TUBG1: variants seen among roughly 807,000 people sequenced by gnomAD.
TUBG1 encodes tubulin gamma 1, also known as tubulin gamma-1 chain.
In TUBG1, 22 loss-of-function variants were observed where a neutral mutation model predicts 53.3. The ratio of observed to expected loss-of-function variants is 0.41; its 90% CI spans 0.29 to 0.59. The LOEUF is 0.59. Among genes scored for constraint, TUBG1 ranks in the 20% least tolerant of loss-of-function variants. The pLI is 0.26. For missense variants in TUBG1, 217 were observed against 598.9 expected (o/e 0.36, Z 6.66); for synonymous variants, 198 against 236.7 (o/e 0.84, Z 1.50).
chr17:42,612,074 G>A lies in TUBG1; in HGVS notation c.331-1G>A, dbSNP rs1259806143. 1.2e-6 allele frequency: 2 copies of A among 1,614,074 alleles called. No homozygotes were observed. The highest frequency in any genetic ancestry group is 1.7e-6 in the Non-Finnish European group (2 of 1,179,954). On this transcript the variant is annotated splice_acceptor_variant, in intron 3 of 10. Transcript: ENST00000251413. LOFTEE classifies it high-confidence loss of function. Reference sequence around the variant, plus strand: ...TCTGACCCTCCCCTATGTCTGTACAGGGAGAAAAGATCCATGAGGACATTT... The same window carrying A: ...TCTGACCCTCCCCTATGTCTGTACAAGGAGAAAAGATCCATGAGGACATTT...
At position 42,614,121 on chromosome 17, in the gene TUBG1, C is replaced by T. The variant is rs906871942; in HGVS notation, c.843+123C>T. ...TTTGTGGACCCCAAGGCGCGGCGCT[C>T]AGGGACTGGCACAGAGTGGGCGACT... On this transcript the variant is annotated intron_variant, in intron 8 of 10. Coordinates refer to ENST00000251413, the MANE Select transcript of TUBG1 (RefSeq NM_001070.5). The surrounding 1 kb of genome is among the most constrained non-coding windows in gnomAD (Gnocchi z 5.1). The T allele has an allele frequency of 2.5e-6, 4 of 1,584,246 alleles. No homozygotes were observed. The highest frequency in any genetic ancestry group is 2.7e-5 in the African/African-American group (2 of 74,232).
In TUBG1 at chr17:42,614,248, C is replaced by T. The variant is rs748527205; in HGVS notation, c.844-12C>T. ...GAGCGCTGGCCGGGTCCCTGTCTCA[C>T]TGTCCTATCAGGTGGCCAGCGTGAG... On this transcript the variant is annotated splice_polypyrimidine_tract_variant and intron_variant, in intron 8 of 10. Transcript: ENST00000251413. This position sits in a 1 kb window ranked among gnomAD's most constrained non-coding sequence, Gnocchi z 5.1. 12 of 1,613,852 alleles carry T rather than the reference C, an allele frequency of 7.4e-6. No individual in the cohort carries two copies. In the African/African-American group the frequency reaches 1.3e-4, roughly 18 times the overall value.
At position 42,615,158 on chromosome 17, in the gene TUBG1, ACT is replaced by A; in HGVS notation, c.*122_*123del. On this transcript the variant is annotated 3_prime_UTR_variant, in exon 11 of 11. Transcript: ENST00000251413. ...ACGCATCTCTTTCTCATATACATGG[ACT>A]CTCTGTTGGCCTGCAAACACATTTA... 6 of 940,668 alleles carry A rather than the reference ACT, an allele frequency of 6.4e-6. No homozygotes were observed. The highest frequency in any genetic ancestry group is 5.0e-5 in the Admixed American group (2 of 39,732). The allele number at this position is 940,668 out of a possible 1,614,324, so 58.3% of individuals were successfully genotyped here.
intron 1 of TUBG1, 49 bp from the exon 2 acceptor site, chr17:42,610,059 G>A (rs745349574): frequency 1.2e-6 from 2 of 1,607,948 alleles, no homozygotes; most frequent in Non-Finnish European, 1.7e-6. Flanking sequence ...ATTGGAACCT[G>A]CCCGGACCTA....
Position 42,615,199 on chromosome 17 carries a change from G to A in TUBG1, c.*158G>A, listed in dbSNP as rs2052067426. 2 of 656,456 alleles carry A rather than the reference G, an allele frequency of 3.0e-6. No homozygotes were observed. Among genetic ancestry groups the A allele is most frequent in the African/African-American group, 3.7e-5 (2 of 54,756 alleles). The allele number at this position is 656,456 out of a possible 1,614,324, so 40.7% of individuals were successfully genotyped here. ...CAAACACATTTACTTCTCCTCTTAT[G>A]AGACTATTTATCTTTAATAAAGCAC... On this transcript the variant is annotated 3_prime_UTR_variant, in exon 11 of 11. Transcript: ENST00000251413.
At position 42,609,765 on chromosome 17, in the gene TUBG1, T is replaced by C. The variant is rs1128505; in HGVS notation, c.28T>C (p.Leu10=). Residue 10 remains leucine, a synonymous_variant, in exon 1 of 11, where the codon TTG becomes CTG. Coordinates refer to ENST00000251413, the MANE Select transcript of TUBG1 (RefSeq NM_001070.5). MPREIITLQ[L]GQCGNQIGFE... is the part of the protein sequence containing the mutation. ...GCCGAGGGAAATCATCACCCTACAGTTGGGCCAGTGCGGCAATCAGAGTGA... is the reference window on the plus strand; with the variant it reads ...GCCGAGGGAAATCATCACCCTACAGCTGGGCCAGTGCGGCAATCAGAGTGA... 2.6e-6 allele frequency: 4 copies of C among 1,551,510 alleles called. No homozygotes were observed. In the South Asian group the frequency reaches 3.6e-5, roughly 14 times the overall value.
chr17:42,613,862 T>G lies in TUBG1; in HGVS notation c.707T>G (p.Met236Arg). The G allele has an allele frequency of 6.2e-7, 1 of 1,614,196 alleles. No homozygotes were observed. Among genetic ancestry groups the G allele is most frequent in the Non-Finnish European group, 8.5e-7 (1 of 1,180,038 alleles). The change falls in exon 8 of 11, where the codon ATG becomes AGG. Residue 236 changes from methionine to arginine, a missense_variant. By Grantham distance (91) the Met-to-Arg change is moderately conservative. Around this residue, in one of 4 missense-constraint regions of TUBG1, gnomAD observed 135 missense variants for 371.2 expected, o/e 0.36. Transcript: ENST00000251413. The stretch of plus-strand genomic sequence containing the variant: ...GCCTGTCCCCAGGTGTCTACCATCA[T>G]GTCAGCCAGCACCACCACCCTGCGC... ...SQINQLVSTIMSASTTTLRYP... is the reference protein window; with the variant it reads ...SQINQLVSTIRSASTTTLRYP...
At position 42,614,437 on chromosome 17, in the gene TUBG1, A is replaced by T. The variant is rs768554496; in HGVS notation, c.996+25A>T. On this transcript the variant is annotated intron_variant, in intron 9 of 10. Transcript: ENST00000251413. This position sits in a 1 kb window ranked among gnomAD's most constrained non-coding sequence, Gnocchi z 5.1. ...GGTAGGGGAGGCCCCTTCATCCCAC[A>T]CCCTGGACCTGCAGGGGTAGAGGAG... 6 of 1,613,850 alleles carry T rather than the reference A, an allele frequency of 3.7e-6. No individual in the cohort carries two copies. In the African/African-American group the frequency reaches 6.7e-5, roughly 18 times the overall value.
In TUBG1 at chr17:42,610,412, C is replaced by T. The variant is rs753459084; in HGVS notation, c.163-11C>T. On this transcript the variant is annotated splice_polypyrimidine_tract_variant and intron_variant, in intron 2 of 10. Coordinates refer to ENST00000251413, the MANE Select transcript of TUBG1 (RefSeq NM_001070.5). ...AGCTGATTGGGCCCCCTCCTGGACT[C>T]CCCTTGACAGGCAGACGATGAGCAC... The T allele has an allele frequency of 1.3e-6, 2 of 1,583,882 alleles. No individual in the cohort carries two copies. The highest frequency in any genetic ancestry group is 1.7e-5 in the Admixed American group (1 of 58,388).
rs777228756 is a variant in TUBG1 at position 42,609,728 on chromosome 17, C to G, written c.-10C>G. 7 of 1,549,352 alleles carry G rather than the reference C, an allele frequency of 4.5e-6. No homozygotes were observed. The East Asian group carries it at 1.7e-4, about 38-fold the overall frequency. On this transcript the variant is annotated 5_prime_UTR_variant, in exon 1 of 11. Transcript: ENST00000251413. ...GCGGGAGCGGCTGCAACGCCGGTGCCTGAGGAGCGATGCCGAGGGAAATCA... is the reference window on the plus strand; with the variant it reads ...GCGGGAGCGGCTGCAACGCCGGTGCGTGAGGAGCGATGCCGAGGGAAATCA...
intron 6 of TUBG1, 112 bp from the exon 7 acceptor site, chr17:42,613,535 G>A: frequency 6.6e-7 from 1 of 1,525,626 alleles, no homozygotes; most frequent in Non-Finnish European, 9.0e-7. Flanking sequence ...TCTTTCCAGT[G>A]AGTCTTTCTG....
intron 6 of TUBG1, among the ~76,000 whole-genome samples, chr17:42,613,397 G>A (rs1158548015): frequency 1.3e-5 from 2 of 151,878 alleles, no homozygotes; most frequent in South Asian, 2.1e-4. Context: ...CACTCCAGCC[G>A]GGGTGACAAA....
intron 3 of TUBG1, chr17:42,610,949 T>C (rs1457068399): frequency 4.8e-6 from 1 of 206,502 alleles, no homozygotes; most frequent in African/African-American, 2.3e-5. Flanking sequence ...CAGGCTGTTT[T>C]ATAGTTTCTT....
rs1486566576 is a variant in TUBG1, at chr17:42,614,403, C to T, written c.987C>T (p.Asp329=). 1.2e-6 allele frequency: 2 copies of T among 1,613,964 alleles called. No homozygotes were observed. The highest frequency in any genetic ancestry group is 1.7e-5 in the Admixed American group (1 of 60,002). Residue 329 remains aspartate (D), a synonymous_variant, in exon 9 of 11, where the codon GAC becomes GAT. Coordinates refer to ENST00000251413, the MANE Select transcript of TUBG1 (RefSeq NM_001070.5). The surrounding 1 kb of genome is among the most constrained non-coding windows in gnomAD (Gnocchi z 5.1). ...TCAACATCATCCAGGGAGAGGTGGA[C>T]CCCACCCAGGTAGGGGAGGCCCCTT... ...AILNIIQGEV[D]PTQVHKSLQR...
At position 42,614,558 on chromosome 17, in the gene TUBG1, C is replaced by T. The variant is rs779584833; in HGVS notation, c.1059C>T (p.Pro353=). The T allele has an allele frequency of 1.6e-5, 26 of 1,613,876 alleles. No individual in the cohort carries two copies. Among genetic ancestry groups the T allele is most frequent in the Admixed American group, 3.3e-5 (2 of 60,002 alleles). ...TGGCCAACTTCATCCCGTGGGGCCC[C>T]GCCAGCATCCAGGTGGCCCTGTCGA... ...RKLANFIPWG[P]ASIQVALSRK... is the part of the protein sequence containing the mutation. The change falls in exon 10 of 11, where the codon CCC becomes CCT. Residue 353 remains proline (P), a synonymous_variant. Coordinates refer to ENST00000251413, the MANE Select transcript of TUBG1 (RefSeq NM_001070.5). This position sits in a 1 kb window ranked among gnomAD's most constrained non-coding sequence, Gnocchi z 5.1.
intron 5 of TUBG1, 104 bp from the exon 6 acceptor site, chr17:42,612,843 A>G: frequency 6.7e-7 from 1 of 1,497,046 alleles, no homozygotes; most frequent in Non-Finnish European, 9.1e-7. Flanking sequence ...ACCCCACCCC[A>G]GTTTCGCCAT....
Position 42,614,753 on chromosome 17 carries a change from T to A in TUBG1, c.1159-91T>A. 6.2e-7 allele frequency: 1 copy of A among 1,605,764 alleles called. No individual in the cohort carries two copies. The highest frequency in any genetic ancestry group is 1.3e-5 in the African/African-American group (1 of 74,758). ...CTGGCCCTGCTTCTAGCTTTTTTGC[T>A]GTGGGCATAGCCCAGCCTTGGTTCC... is the stretch of plus-strand genomic sequence containing the variant. On this transcript the variant is annotated intron_variant, in intron 10 of 10. Transcript: ENST00000251413. The surrounding 1 kb of genome is among the most constrained non-coding windows in gnomAD (Gnocchi z 5.1).
Position 42,610,491 on chromosome 17 carries a change from C to T in TUBG1, c.231C>T (p.Ile77=). ...LDLEPRVIHS[I]LNSPYAKLYN... is the part of the protein sequence containing the mutation. ...TGGAACCCCGGGTGATCCACTCCAT[C>T]CTCAACTCCCCCTATGCCAAGCTCT... The change falls in exon 3 of 11, where the codon ATC becomes ATT. Residue 77 remains isoleucine, a synonymous_variant. Transcript: ENST00000251413. 1 of 1,613,812 alleles carries T rather than the reference C, an allele frequency of 6.2e-7. No homozygotes were observed. The highest frequency in any genetic ancestry group is 8.5e-7 in the Non-Finnish European group (1 of 1,179,688).
intron 3 of TUBG1, 74 bp from the exon 4 acceptor site, chr17:42,612,001 T>G (rs1020182647): frequency 1.4e-6 from 2 of 1,399,966 alleles, no homozygotes; most frequent in Non-Finnish European, 2.0e-6. Context: ...TAAGGAGAAT[T>G]GAGGGTGGCT....
Sources: allele counts gnomAD v4.1 joint callset (sites outside exome capture counted in the v4.1 genomes callset), GRCh38; gene constraint gnomAD v4.1.1; regional missense constraint gnomAD v4.1.1; non-coding constraint Gnocchi (gnomAD v3.1); transcripts MANE v1.5; gene names NCBI Gene and HGNC (gene_info 2026-07-23, HGNC 2026-07-21).